The following PIEZO1 variants were observed in gnomAD, a reference collection of about 807,000 sequenced individuals.
The protein encoded by PIEZO1 is piezo-type mechanosensitive ion channel component 1.
Under a neutral mutation model 297.2 loss-of-function variants are expected in PIEZO1, and 296 were observed. The observed-to-expected ratio is 1.00, with a 90% CI of 0.91 to 1.10. PIEZO1 has a LOEUF of 1.10. Among genes scored for constraint, PIEZO1 ranks in the 50% least tolerant of loss-of-function variants. The probability of loss-of-function intolerance (pLI) is 0.00; values close to 1 mark genes in which losing one functional copy is unlikely to be tolerated. For synonymous variants in PIEZO1, 2,427 were observed against 1,507.5 expected (o/e 1.61, Z -14.13); for missense variants, 5,018 against 3,455.5 (o/e 1.45, Z -11.34).
Position 88,725,647 on chromosome 16 carries a change from T to C in PIEZO1, c.4006A>G (p.Ile1336Val). The C allele has an allele frequency of 6.5e-7, 1 of 1,549,548 alleles. No homozygotes were observed. Among genetic ancestry groups the C allele is most frequent in the Non-Finnish European group, 8.7e-7 (1 of 1,146,016 alleles). ...TCCTCTATCCTGCGGTGAAAGTCAA[T>C]GCTCTTGAGGTTGGCAGCGTTGTAG... is the stretch of plus-strand genomic sequence containing the variant. Reference protein sequence around the residue: ...ALYNAANLKSIDFHRRIEEKS... With the variant: ...ALYNAANLKSVDFHRRIEEKS... Residue 1336 changes from isoleucine (I) to valine (V), a missense_variant, in exon 28 of 51, where the codon ATT (isoleucine) becomes GTT (valine). Ile to Val is a conservative substitution (Grantham distance 29). Coordinates refer to ENST00000301015, the MANE Select transcript of PIEZO1 (RefSeq NM_001142864.4).
intron 1 of PIEZO1, among the ~76,000 whole-genome samples, chr16:88,757,210 C>T (rs76522090): frequency 6.6e-6 from 1 of 151,384 alleles, no homozygotes; most frequent in East Asian, 2.0e-4. Flanking sequence ...GCCCTCGGAG[C>T]CGGGGGCTGG....
rs1307848140 is a variant in PIEZO1, at chr16:88,722,989, T to G, written c.4516A>C (p.Arg1506=). ...AGGAACTGCGCCGTGCTCAGCACCCTCTGCACCACATGGCTCCGGCCTGCG... is the reference window on the plus strand; with the variant it reads ...AGGAACTGCGCCGTGCTCAGCACCCGCTGCACCACATGGCTCCGGCCTGCG... ...AAAGRSHVVQ[R]VLSTAQFLWM... is the part of the protein sequence containing the mutation. Residue 1506 remains arginine, a synonymous_variant, in exon 34 of 51, where the codon AGG becomes CGG. Transcript: ENST00000301015. The G allele has an allele frequency of 2.6e-6, 4 of 1,547,160 alleles. No homozygotes were observed. The African/African-American group carries it at 5.5e-5, about 21-fold the overall frequency.
rs535327662 is a variant in PIEZO1, at chr16:88,738,951, G to A, written c.466-215C>T. 1.6e-4 allele frequency: 94 copies of A among 589,880 alleles called. 3 individuals carry two copies. The South Asian group carries it at 1.8e-3, about 12-fold the overall frequency. 36.5% of individuals were successfully genotyped at this position (589,880 alleles called of 1,614,324 possible). On this transcript the variant is annotated intron_variant, in intron 5 of 50. Coordinates refer to ENST00000301015, the MANE Select transcript of PIEZO1 (RefSeq NM_001142864.4). ...TCACTCAAGCTCACAGTTCCTGCAG[G>A]CCTTCCTGGTAGCAGCTCCCACCCT... is the stretch of plus-strand genomic sequence containing the variant.
intron 1 of PIEZO1, among the ~76,000 whole-genome samples, chr16:88,750,301 A>G (rs1233115929): frequency 1.3e-5 from 2 of 152,184 alleles, no homozygotes; most frequent in Non-Finnish European, 2.9e-5. Context: ...GAGCCACTGC[A>G]CTCCAGCCTG....
rs1197731915 is a variant in PIEZO1, at chr16:88,721,810, C to T, written c.5212G>A (p.Glu1738Lys). The T allele has an allele frequency of 1.3e-6, 2 of 1,544,356 alleles. No individual in the cohort carries two copies. Among genetic ancestry groups the T allele is most frequent in the Non-Finnish European group, 1.7e-6 (2 of 1,145,336 alleles). ...RFWMTAIVFT[E>K]IAVVVKYLFQ... ...CCTCCCCCGCGGCCTCGGCCCACCT[C>T]GGTGAAGACGATGGCCGTCATCCAG... The change falls in exon 37 of 51, where the codon GAG (glutamate) becomes AAG (lysine). Residue 1738 changes from glutamate to lysine, a missense_variant and splice_region_variant. Physicochemically the swap from Glu to Lys is moderately conservative, Grantham distance 56. Transcript: ENST00000301015.
At chr16:88,732,959 G>A (rs1904967003) in intron 19 of PIEZO1, 3 of 589,656 alleles carry the variant, frequency 5.1e-6, no homozygotes, top group South Asian at 2.1e-5. Flanking sequence ...CAGGGAGAAG[G>A]AGGGATGTGC....
In PIEZO1 at chr16:88,720,463, G is replaced by A. The variant is rs780549238; in HGVS notation, c.5871C>T (p.Ala1957=). ...HDILHTKYRA[A]TDVYALMFLA... The stretch of plus-strand genomic sequence containing the variant: ...GGAACATGAGGGCATAGACGTCGGT[G>A]GCTGCGCGGTACTTGGTGTGCAGGA... The change falls in exon 41 of 51, where the codon GCC becomes GCT. Residue 1957 remains alanine (A), a synonymous_variant. Coordinates refer to ENST00000301015, the MANE Select transcript of PIEZO1 (RefSeq NM_001142864.4). The A allele has an allele frequency of 5.2e-6, 8 of 1,550,358 alleles. No homozygotes were observed. The African/African-American group carries it at 1.1e-4, about 21-fold the overall frequency.
At chr16:88,717,655 C>A in intron 44 of PIEZO1, 1 of 449,346 alleles carries the variant, frequency 2.2e-6, no homozygotes, top group Non-Finnish European at 4.5e-6. Context: ...CAGATATTAC[C>A]AAAATAAATA....
At chr16:88,757,034 A>C (rs538309736) in intron 1 of PIEZO1, among the ~76,000 whole-genome samples, 10 of 151,182 alleles carry the variant, frequency 6.6e-5, no homozygotes, top group East Asian at 2.0e-4. Context: ...CGAGATCAGG[A>C]CACTGCACTC....
chr16:88,745,031 T>C (rs1905953736), intron 2 of PIEZO1: 1 of 152,006 alleles, frequency 6.6e-6, no homozygotes, highest in Non-Finnish European at 1.5e-5. Flanking sequence ...CGGGTGGCTT[T>C]CTCGTGCCTC....
chr16:88,734,898 G>T lies in PIEZO1; in HGVS notation c.1825C>A (p.Leu609Met). 2.6e-6 allele frequency: 4 copies of T among 1,550,392 alleles called. No individual in the cohort carries two copies. The highest frequency in any genetic ancestry group is 3.5e-6 in the Non-Finnish European group (4 of 1,146,966). ...ACCTGGAAGAGGGTGAGGCAGAGCA[G>T]GAAGAGGAACATGTAGACAATCTTG... ...VYKIVYMFLF[L>M]LCLTLFQVYY... is the part of the protein sequence containing the mutation. Residue 609 changes from leucine to methionine, a missense_variant, in exon 14 of 51, where the codon CTG (leucine) becomes ATG (methionine). By Grantham distance (15) the Leu-to-Met change is conservative (BLOSUM62 2). Coordinates refer to ENST00000301015, the MANE Select transcript of PIEZO1 (RefSeq NM_001142864.4).
In PIEZO1 at chr16:88,717,031, C is replaced by T. The variant is rs1236011780; in HGVS notation, c.6652G>A (p.Gly2218Ser). The T allele has an allele frequency of 1.5e-5, 23 of 1,550,462 alleles. No homozygotes were observed. The highest frequency in any genetic ancestry group is 1.7e-4 in the Middle Eastern group (1 of 6,014). ...IDVTVTLKLG[G>S]YEPLFTMSAQ... is the part of the protein sequence containing the mutation. ...GACCCACACATGCTCACCTCATAGC[C>T]GCCCAGCTTCAGGGTGACGGTGACA... Residue 2218 changes from glycine (G) to serine (S), a missense_variant, in exon 45 of 51, where the codon GGC becomes AGC. Gly to Ser is a moderately conservative substitution (Grantham distance 56). Coordinates refer to ENST00000301015, the MANE Select transcript of PIEZO1 (RefSeq NM_001142864.4).
chr16:88,719,388 C>T, intron 44 of PIEZO1, 186 bp downstream of exon 44: 1 of 607,336 alleles, frequency 1.6e-6, no homozygotes, highest in East Asian at 2.8e-5. Context: ...GCCCAGCACT[C>T]ACTCGCAGCT....
chr16:88,745,982 G>C lies in PIEZO1; in HGVS notation c.160+3402C>G, dbSNP rs367876837. Among the ~76,000 whole-genome samples the C allele has an allele frequency of 2.0e-5, 3 of 152,220 alleles. No individual in the cohort carries two copies. In the South Asian group the frequency reaches 6.2e-4, roughly 32 times the overall value. ...CATAGCCACCATCCCCACACCTGCC[G>C]GACAAGGGCTGGGCCTGATTGTTCT... On this transcript the variant is annotated intron_variant, in intron 2 of 50. Coordinates refer to ENST00000301015, the MANE Select transcript of PIEZO1 (RefSeq NM_001142864.4).
chr16:88,735,090 G>T (rs368459635), intron 13 of PIEZO1, 37 bp from the exon 14 acceptor site: 43 of 1,539,428 alleles, frequency 2.8e-5, no homozygotes, highest in Non-Finnish European at 3.8e-5. Flanking sequence ...TGGCATCAGG[G>T]CGGGCAGGCA....
At chr16:88,722,752 G>A in intron 34 of PIEZO1, 63 bp from the exon 35 acceptor site, 3 of 1,527,666 alleles carry the variant, frequency 2.0e-6, no homozygotes, top group Non-Finnish European at 1.8e-6. Context: ...GGGGTTTCGT[G>A]CAGTGGGCGC....
intron 27 of PIEZO1, 82 bp downstream of exon 27, chr16:88,726,186 CCCTCCACGGGCCGGGG>C: frequency 9.8e-7 from 1 of 1,020,740 alleles, no homozygotes; most frequent in Non-Finnish European, 1.4e-6. Context: ...GCAGAGCCTG[CCCTCCACGGGCCGGGG>C]CCTGAGACAG....
Position 88,715,601 on chromosome 16 carries a change from G to T in PIEZO1, c.*4C>A. The T allele has an allele frequency of 6.5e-7, 1 of 1,548,870 alleles. No homozygotes were observed. Among genetic ancestry groups the T allele is most frequent in the Non-Finnish European group, 8.7e-7 (1 of 1,146,368 alleles). On this transcript the variant is annotated 3_prime_UTR_variant, in exon 51 of 51. Coordinates refer to ENST00000301015, the MANE Select transcript of PIEZO1 (RefSeq NM_001142864.4). ...CCTTCCCTCTCGGGCGCCAGCAGCA[G>T]CTCCTACTCCTTCTCACGAGTCCAC...
At chr16:88,780,965 AAG>A (rs1567491450) in intron 1 of PIEZO1, among the ~76,000 whole-genome samples, 1 of 152,250 alleles carries the variant, frequency 6.6e-6, no homozygotes, top group Non-Finnish European at 1.5e-5. Flanking sequence ...TTTAAGAAAA[AAG>A]AGAAAAAAGC....
Sources: gnomAD v4.1 joint callset for allele counts (sites outside exome capture counted in the v4.1 genomes callset) on GRCh38, gnomAD v4.1.1 for gene constraint, MANE v1.5 for transcripts, NCBI Gene and HGNC (gene_info 2026-07-23, HGNC 2026-07-21) for gene names.